The following LRRC3B variants were observed in gnomAD, a reference collection of about 807,000 sequenced individuals.
LRRC3B encodes leucine-rich repeat-containing protein 3B.
Under a neutral mutation model 12.8 loss-of-function variants are expected in LRRC3B, and 2 were observed. The observed-to-expected ratio is 0.16, with a 90% CI of 0.06 to 0.49. LRRC3B has a LOEUF of 0.49. Among genes scored for constraint, LRRC3B ranks in the 20% least tolerant of loss-of-function variants. The probability of loss-of-function intolerance (pLI) is 0.96; values close to 1 mark genes in which losing one functional copy is unlikely to be tolerated. For missense variants in LRRC3B, 189 were observed against 319.4 expected, an observed-to-expected ratio of 0.59 and a Z score of 3.11; for synonymous variants, 132 against 122.0, an observed-to-expected ratio of 1.08 and a Z score of -0.54.
chr3:26,657,660 CT>C (rs976747063), intron 1 of LRRC3B, among the ~76,000 whole-genome samples: 5 of 150,422 alleles, frequency 3.3e-5, no homozygotes, highest in African/African-American at 7.3e-5. Context: ...TCCTTTTCCT[CT>C]TTTTTTTTTC....
intron 1 of LRRC3B, among the ~76,000 whole-genome samples, chr3:26,707,776 GTTT>G (rs34355790): frequency 0.58 from 82,551 of 143,158 alleles, 24,021 homozygotes; most frequent in African/African-American, 0.78. Context: ...TTCCACACCT[GTTT>G]TTTTTTTTCT....
At chr3:26,674,468 T>TA (rs76416351) in intron 1 of LRRC3B, among the ~76,000 whole-genome samples, 15,685 of 152,236 alleles carry the variant, frequency 0.1, 1,076 homozygotes, top group South Asian at 0.21. Context: ...TGTGTTCTTA[T>TA]AAAAAGGAAA....
At chr3:26,629,136 T>G (rs371830527) in intron 1 of LRRC3B, among the ~76,000 whole-genome samples, 1 of 152,214 alleles carries the variant, frequency 6.6e-6, no homozygotes, top group Admixed American at 6.5e-5. Context: ...AAGTATGTTT[T>G]CAAATACAGA....
intron 1 of LRRC3B, among the ~76,000 whole-genome samples, chr3:26,671,373 T>TATATATATATATAGAGAGAGAGAC (rs1261897533): frequency 3.5e-5 from 1 of 28,258 alleles, no homozygotes; most frequent in African/African-American, 1.5e-4. Context: ...TATATATATA[T>TATATATATATATAGAGAGAGAGAC]AGAGAGAGAG....
At chr3:26,630,472 T>G (rs917641003) in intron 1 of LRRC3B, among the ~76,000 whole-genome samples, 2 of 97,850 alleles carry the variant, frequency 2.0e-5, no homozygotes, top group Non-Finnish European at 4.2e-5. Flanking sequence ...TATGTGCCTC[T>G]TACATAATAA....
intron 1 of LRRC3B, among the ~76,000 whole-genome samples, chr3:26,709,274 T>G (rs1466787260): frequency 6.6e-6 from 1 of 152,190 alleles, no homozygotes; most frequent in Non-Finnish European, 1.5e-5. Flanking sequence ...TCTATCCAAC[T>G]GAAAACCAGG....
intron 1 of LRRC3B, among the ~76,000 whole-genome samples, chr3:26,681,274 GA>G (rs1379381057): frequency 6.6e-6 from 1 of 152,160 alleles, no homozygotes; most frequent in Non-Finnish European, 1.5e-5. Flanking sequence ...TTCGTGGGGA[GA>G]AAAATGTGTC....
chr3:26,647,675 A>G (rs1455133074), intron 1 of LRRC3B, among the ~76,000 whole-genome samples: 14 of 152,200 alleles, frequency 9.2e-5, no homozygotes. Flanking sequence ...CACATGATTT[A>G]ACGCCTGATA....
At chr3:26,626,450 A>G (rs1698627584) in intron 1 of LRRC3B, among the ~76,000 whole-genome samples, 1 of 152,170 alleles carries the variant, frequency 6.6e-6, no homozygotes, top group African/African-American at 2.4e-5. Flanking sequence ...ATCCCACCCA[A>G]TCCAGACTCA....
chr3:26,680,643 T>C (rs1332907049), intron 1 of LRRC3B, among the ~76,000 whole-genome samples: 1 of 152,192 alleles, frequency 6.6e-6, no homozygotes, highest in African/African-American at 2.4e-5. Flanking sequence ...AAACAAACAA[T>C]TGACTTCCCA....
intron 1 of LRRC3B, among the ~76,000 whole-genome samples, chr3:26,708,693 A>C (rs1327942540): frequency 6.6e-6 from 1 of 152,214 alleles, no homozygotes; most frequent in East Asian, 1.9e-4. Flanking sequence ...CCCTGCCAAC[A>C]CTAACAGTAT....
chr3:26,659,559 C>T (rs894573064), intron 1 of LRRC3B, among the ~76,000 whole-genome samples: 2 of 152,112 alleles, frequency 1.3e-5, no homozygotes, highest in Non-Finnish European at 1.5e-5. Flanking sequence ...ATTTGATTAC[C>T]ATGGAGATAA....
rs1486827953 is a variant in LRRC3B at position 26,699,784 on chromosome 3, G to A, written c.-160-9729G>A. On this transcript the variant is annotated intron_variant, in intron 1 of 1. Coordinates refer to ENST00000396641, the Ensembl canonical transcript of LRRC3B. ...CATAAGCATTTGCTGTGAAATAATA[G>A]TAGAGAAGCAGAAAGAAACCAAGAT... Among the ~76,000 whole-genome samples the A allele has an allele frequency of 2.0e-5, 3 of 152,134 alleles. No homozygotes were observed. The East Asian group carries it at 5.8e-4, about 29-fold the overall frequency.
intron 1 of LRRC3B, among the ~76,000 whole-genome samples, chr3:26,647,042 A>G (rs940063691): frequency 6.6e-6 from 1 of 152,146 alleles, no homozygotes; most frequent in African/African-American, 2.4e-5. Flanking sequence ...AGCTACAGCC[A>G]TACTGGCCTT....
At chr3:26,686,543 T>C (rs1310007472) in intron 1 of LRRC3B, among the ~76,000 whole-genome samples, 2 of 152,180 alleles carry the variant, frequency 1.3e-5, no homozygotes, top group African/African-American at 4.8e-5. Context: ...ATTTCTTCTT[T>C]GATGTGTTAC....
At chr3:26,632,575 A>G (rs530351629) in intron 1 of LRRC3B, among the ~76,000 whole-genome samples, 33 of 152,180 alleles carry the variant, frequency 2.2e-4, no homozygotes, top group African/African-American at 7.2e-4. Context: ...GGGTTTATAT[A>G]TGGTAGGAAA....
chr3:26,710,546 G>A (rs868501928), exon 2 of LRRC3B: 1 of 1,268,666 alleles, frequency 7.9e-7, no homozygotes, highest in Middle Eastern at 2.7e-4. Context: ...GTAAACATTT[G>A]AAACTTTGTA....
chr3:26,654,560 T>C (rs2125417371), intron 1 of LRRC3B, among the ~76,000 whole-genome samples: 1 of 152,264 alleles, frequency 6.6e-6, no homozygotes, highest in South Asian at 2.1e-4. Context: ...TCAGAAAGAC[T>C]TCTTTGATGG....
chr3:26,652,688 A>G (rs941792231), intron 1 of LRRC3B, among the ~76,000 whole-genome samples: 2 of 151,696 alleles, frequency 1.3e-5, no homozygotes, highest in Admixed American at 1.3e-4. Flanking sequence ...CACTTCCAAA[A>G]CCCCTTTATT....
Sources: gnomAD v4.1 joint callset for allele counts (sites outside exome capture counted in the v4.1 genomes callset) on GRCh38, gnomAD v4.1.1 for gene constraint, MANE v1.5 for transcripts, NCBI Gene and HGNC (gene_info 2026-07-23, HGNC 2026-07-21) for gene names.